Variants in ORM1 observed in about 807,000 individuals in gnomAD.
ORM1 encodes the protein orosomucoid 1.
Under a neutral mutation model 26.9 loss-of-function variants are expected in ORM1, and 13 were observed. The ratio of observed to expected loss-of-function variants is 0.48; its 90% CI spans 0.31 to 0.77. ORM1 has a LOEUF of 0.77. Among genes scored for constraint, ORM1 ranks in the 30% least tolerant of loss-of-function variants. ORM1 has a pLI of 0.04. For missense variants in ORM1, 189 were observed against 246.8 expected, an observed-to-expected ratio of 0.77 and a Z score of 1.57; for synonymous variants, 76 against 102.2, an observed-to-expected ratio of 0.74 and a Z score of 1.55.
chr9:114,325,980 T>C (rs1829763082), intron 5 of ORM1, among the ~76,000 whole-genome samples: 1 of 151,596 alleles, frequency 6.6e-6, no homozygotes, highest in African/African-American at 2.4e-5. Context: ...AGTTACATCA[T>C]CTGCATAGTA....
In ORM1 at chr9:114,323,742, C is replaced by A. The variant is rs371722259; in HGVS notation, c.194C>A (p.Thr65Asn). Residue 65 changes from threonine to asparagine, a missense_variant, in exon 2 of 6, where the codon ACC (threonine) becomes AAC (asparagine). Around this residue, in one of 3 missense-constraint regions of ORM1, gnomAD observed 163 missense variants for 157.7 expected, o/e 1.03. Coordinates refer to ENST00000259396, the MANE Select transcript of ORM1 (RefSeq NM_000607.4). ...YNKSVQEIQATFFYFTPNKTE... is the reference protein window; with the variant it reads ...YNKSVQEIQANFFYFTPNKTE... ...AAGTCGGTTCAGGAGATCCAAGCAACCTTCTTTTACTTCACCCCCAACAAG... is the reference window on the plus strand; with the variant it reads ...AAGTCGGTTCAGGAGATCCAAGCAAACTTCTTTTACTTCACCCCCAACAAG... The A allele has an allele frequency of 1.9e-6, 3 of 1,613,988 alleles. No individual in the cohort carries two copies. Among genetic ancestry groups the A allele is most frequent in the Non-Finnish European group, 2.5e-6 (3 of 1,179,918 alleles).
chr9:114,323,500 G>T, intron 1 of ORM1, 163 bp from the exon 2 acceptor site: 2 of 1,020,752 alleles, frequency 2.0e-6, no homozygotes, highest in Non-Finnish European at 3.0e-6. Flanking sequence ...TGCCTGGGGG[G>T]CAATGACTGA....
intron 5 of ORM1, 22 bp downstream of exon 5, chr9:114,325,174 G>A (rs771358653): frequency 6.2e-7 from 1 of 1,607,326 alleles, no homozygotes; most frequent in Non-Finnish European, 8.5e-7. Context: ...GGATTGGACA[G>A]TGCCCACCTT....
intron 1 of ORM1, 98 bp from the exon 2 acceptor site, chr9:114,323,565 T>C (rs1829718474): frequency 6.4e-7 from 1 of 1,553,192 alleles, no homozygotes. Flanking sequence ...CATCTCCCCA[T>C]CTGCAAAATC....
intron 5 of ORM1, among the ~76,000 whole-genome samples, chr9:114,325,553 A>G (rs1236200580): frequency 9.2e-5 from 14 of 151,874 alleles, no homozygotes; most frequent in African/African-American, 2.4e-4. Flanking sequence ...GTGGTTTTCA[A>G]TGTCACCCAC....
In ORM1 at chr9:114,325,121, A is replaced by G. The variant is rs3182041; in HGVS notation, c.509A>G (p.Lys170Arg). The G allele has an allele frequency of 2.8e-3, 4,454 of 1,612,954 alleles. 10 individuals carry two copies. The highest frequency in any genetic ancestry group is 0.024 in the Admixed American group (1,463 of 59,822). The stretch of plus-strand genomic sequence containing the variant: ...GCTCTCGACTGCTTGCGCATTCCCA[A>G]GTCAGATGTCGTGTACACCGATTGG... The part of the protein sequence containing the change: ...YEALDCLRIP[K>R]SDVVYTDWKK... The change falls in exon 5 of 6, where the codon AAG becomes AGG. Residue 170 changes from lysine to arginine, a missense_variant. Coordinates refer to ENST00000259396, the MANE Select transcript of ORM1 (RefSeq NM_000607.4).
intron 5 of ORM1, among the ~76,000 whole-genome samples, chr9:114,326,043 A>T (rs1829764108): frequency 6.7e-6 from 1 of 150,194 alleles, no homozygotes; most frequent in African/African-American, 2.5e-5. Flanking sequence ...GGCAGGTCCT[A>T]AGTGCACAGT....
In ORM1 at chr9:114,324,854, T is replaced by C. The variant is rs1429143307; in HGVS notation, c.393T>C (p.Ala131=). The C allele has an allele frequency of 6.2e-6, 10 of 1,614,088 alleles. No individual in the cohort carries two copies. In the African/African-American group the frequency reaches 1.3e-4, roughly 22 times the overall value. The change falls in exon 4 of 6, where the codon GCT becomes GCC. Residue 131 remains alanine, a synonymous_variant. Transcript: ENST00000259396. Reference sequence around the variant, plus strand: ...GGGACACCAAGACCTACATGCTTGCTTTTGACGTGAACGATGAGAAGAACT... The same window carrying C: ...GGGACACCAAGACCTACATGCTTGCCTTTGACGTGAACGATGAGAAGAACT... ...ILRDTKTYML[A]FDVNDEKNWG...
chr9:114,325,219 A>G, intron 5 of ORM1, 67 bp downstream of exon 5: 2 of 1,459,904 alleles, frequency 1.4e-6, no homozygotes, highest in Non-Finnish European at 1.9e-6. Flanking sequence ...CCAGAGGCCC[A>G]GAGCAGGAGA....
chr9:114,323,635 C>G (rs773668993), intron 1 of ORM1, 28 bp from the exon 2 acceptor site: 1 of 1,613,870 alleles, frequency 6.2e-7, no homozygotes, highest in South Asian at 1.1e-5. Context: ...CATCAAGCCC[C>G]CATCACCAGC....
rs769801602 is a variant in ORM1 at position 114,324,018 on chromosome 9, A to T, written c.258A>T (p.Arg86=). 6.2e-7 allele frequency: 1 copy of T among 1,613,882 alleles called. No homozygotes were observed. The highest frequency in any genetic ancestry group is 1.3e-5 in the African/African-American group (1 of 74,870). Residue 86 remains arginine, a splice_region_variant and synonymous_variant, in exon 3 of 6, where the codon CGA becomes CGT. Transcript: ENST00000259396. ...DTIFLREYQT[R]QDQCIYNTTY... ...CCTTCCGCCTTCTGTTTGGCTTTAG[A>T]CAGGACCAGTGCATCTATAACACCA...
At chr9:114,324,764 ACC>A in intron 3 of ORM1, 24 bp from the exon 4 acceptor site, 2 of 1,578,820 alleles carry the variant, frequency 1.3e-6, no homozygotes, top group Non-Finnish European at 1.7e-6. Flanking sequence ...CCATGTTCTC[ACC>A]CAGAGGCTCC....
intron 5 of ORM1, 56 bp from the exon 6 acceptor site, chr9:114,326,236 C>T (rs570318396): frequency 1.9e-6 from 3 of 1,594,408 alleles, no homozygotes. Context: ...GAAGACCTCC[C>T]ACCCTGTCCC....
intron 2 of ORM1, 60 bp from the exon 3 acceptor site, chr9:114,323,958 G>C: frequency 6.2e-7 from 1 of 1,604,112 alleles, no homozygotes; most frequent in South Asian, 1.1e-5. Flanking sequence ...GACTGTGATG[G>C]GCGATTGGCC....
intron 1 of ORM1, 44 bp from the exon 2 acceptor site, chr9:114,323,619 A>G (rs1438621767): frequency 1.4e-5 from 23 of 1,613,936 alleles, no homozygotes; most frequent in Non-Finnish European, 1.9e-5. Context: ...ACAGTCAAAG[A>G]TTCAGCATCA....
At position 114,324,043 on chromosome 9, in the gene ORM1, A is replaced by T; in HGVS notation, c.283A>T (p.Thr95Ser). The change falls in exon 3 of 6, where the codon ACC becomes TCC. Residue 95 changes from threonine to serine, a missense_variant. By Grantham distance (58) the Thr-to-Ser change is moderately conservative (BLOSUM62 1). Coordinates refer to ENST00000259396, the MANE Select transcript of ORM1 (RefSeq NM_000607.4). Reference sequence around the variant, plus strand: ...ACAGGACCAGTGCATCTATAACACCACCTACCTGAATGTCCAGCGGGAAAA... The same window carrying T: ...ACAGGACCAGTGCATCTATAACACCTCCTACCTGAATGTCCAGCGGGAAAA... Reference protein sequence around the residue: ...TRQDQCIYNTTYLNVQRENGT... With the variant: ...TRQDQCIYNTSYLNVQRENGT... The T allele has an allele frequency of 6.2e-7, 1 of 1,613,832 alleles. No homozygotes were observed. The highest frequency in any genetic ancestry group is 8.5e-7 in the Non-Finnish European group (1 of 1,179,986).
intron 5 of ORM1, among the ~76,000 whole-genome samples, chr9:114,325,831 G>A (rs1564605881): frequency 6.6e-6 from 1 of 151,906 alleles, no homozygotes; most frequent in Non-Finnish European, 1.5e-5. Context: ...ACTACCTCCT[G>A]CCCCCATCTG....
intron 5 of ORM1, 145 bp downstream of exon 5, chr9:114,325,297 A>C: frequency 1.5e-6 from 1 of 677,996 alleles, no homozygotes; most frequent in Non-Finnish European, 2.5e-6. Context: ...CTGTAGGGAC[A>C]GCTGAGCTCT....
chr9:114,323,718 A>G lies in ORM1; in HGVS notation c.170A>G (p.Lys57Arg). 2 of 1,614,028 alleles carry G rather than the reference A, an allele frequency of 1.2e-6. No individual in the cohort carries two copies. Among genetic ancestry groups the G allele is most frequent in the Non-Finnish European group, 1.7e-6 (2 of 1,179,886 alleles). ...ASAFRNEEYN[K>R]SVQEIQATFF... ...GCCTTTCGAAACGAGGAGTACAATA[A>G]GTCGGTTCAGGAGATCCAAGCAACC... The change falls in exon 2 of 6, where the codon AAG (lysine) becomes AGG (arginine). Residue 57 changes from lysine (K) to arginine (R), a missense_variant. Around this residue, in one of 3 missense-constraint regions of ORM1, gnomAD observed 163 missense variants for 157.7 expected, o/e 1.03. Transcript: ENST00000259396.
Sources: gnomAD v4.1 joint callset for allele counts (sites outside exome capture counted in the v4.1 genomes callset) on GRCh38, gnomAD v4.1.1 for gene constraint, gnomAD v4.1.1 regional missense constraint, MANE v1.5 for transcripts, NCBI Gene and HGNC (gene_info 2026-07-23, HGNC 2026-07-21) for gene names.